WFIKKN2: variants seen among roughly 807,000 people sequenced by gnomAD.
The protein encoded by WFIKKN2 is WAP, Kazal, immunoglobulin, Kunitz and NTR domain-containing protein 2.
A neutral mutation model predicts 39.2 loss-of-function variants in WFIKKN2; 25 were observed. That is an observed-to-expected ratio of 0.64 (90% CI 0.47 to 0.89). WFIKKN2 has a LOEUF of 0.89. Ranked by LOEUF, WFIKKN2 falls within the 40% of genes least tolerant of loss-of-function variation. The pLI is 0.00. For missense variants in WFIKKN2, 770 were observed against 811.7 expected (o/e 0.95, Z 0.62); for synonymous variants, 345 against 329.7 (o/e 1.05, Z -0.50).
chr17:50,837,617 A>G (rs1971976081), intron 1 of WFIKKN2, among the ~76,000 whole-genome samples: 1 of 152,230 alleles, frequency 6.6e-6, no homozygotes, highest in South Asian at 2.1e-4. Context: ...AGGGAACACG[A>G]GAGACACTGG....
At position 50,835,695 on chromosome 17, in the gene WFIKKN2, C is replaced by T. The variant is rs1185841909; in HGVS notation, c.-243C>T. ...CGGGCCCCTGCTGTGGCTCCTCTCCCTGCACACTCAGGAGAGGGAGCTTCC... is the reference window on the plus strand; with the variant it reads ...CGGGCCCCTGCTGTGGCTCCTCTCCTTGCACACTCAGGAGAGGGAGCTTCC... On this transcript the variant is annotated 5_prime_UTR_variant, in exon 1 of 2. Coordinates refer to ENST00000311378, the MANE Select transcript of WFIKKN2 (RefSeq NM_175575.6). The T allele has an allele frequency of 1.8e-6, 1 of 551,284 alleles. No homozygotes were observed. Among genetic ancestry groups the T allele is most frequent in the Non-Finnish European group, 3.2e-6 (1 of 314,702 alleles). 34.1% of individuals were successfully genotyped at this position (551,284 alleles called of 1,614,324 possible). A position where few individuals can be genotyped will look rare whatever the true frequency, so the allele number is the denominator to read the frequency against.
Position 50,840,364 on chromosome 17 carries a change from G to A in WFIKKN2, c.1076G>A (p.Gly359Asp), listed in dbSNP as rs2143299096. ...QANNCLTFTF[G>D]HCHRNLNHFE... ...AACAACTGCCTGACCTTCACCTTCG[G>A]CCACTGCCACCGTAACCTCAACCAC... The change falls in exon 2 of 2, where the codon GGC becomes GAC. Residue 359 changes from glycine to aspartate, a missense_variant. By Grantham distance (94) the Gly-to-Asp change is moderately conservative. Coordinates refer to ENST00000311378, the MANE Select transcript of WFIKKN2 (RefSeq NM_175575.6). 6.8e-6 allele frequency: 11 copies of A among 1,614,132 alleles called. No homozygotes were observed. Among genetic ancestry groups the A allele is most frequent in the Non-Finnish European group, 9.3e-6 (11 of 1,180,028 alleles).
rs1972030104 is a variant in WFIKKN2, at chr17:50,840,565, T to G, written c.1277T>G (p.Phe426Cys). ...YGGCEGNGNNFESREACEESC... is the reference protein window; with the variant it reads ...YGGCEGNGNNCESREACEESC... ...GGCTGCGAGGGCAATGGCAACAACTTTGAGAGCCGTGAGGCCTGTGAGGAG... is the reference window on the plus strand; with the variant it reads ...GGCTGCGAGGGCAATGGCAACAACTGTGAGAGCCGTGAGGCCTGTGAGGAG... The change falls in exon 2 of 2, where the codon TTT becomes TGT. Residue 426 changes from phenylalanine to cysteine, a missense_variant. Phe to Cys is a radical substitution (Grantham distance 205). Transcript: ENST00000311378. 3 of 1,613,842 alleles carry G rather than the reference T, an allele frequency of 1.9e-6. No individual in the cohort carries two copies. The highest frequency in any genetic ancestry group is 2.5e-6 in the Non-Finnish European group (3 of 1,180,002).
intron 1 of WFIKKN2, 94 bp from the exon 2 acceptor site, chr17:50,839,405 T>C (rs1405934377): frequency 8.3e-7 from 1 of 1,203,722 alleles, no homozygotes; most frequent in African/African-American, 1.5e-5. Context: ...GGTGAGTACA[T>C]GTTAGTTCTC....
In WFIKKN2 at chr17:50,836,011, T is replaced by G; in HGVS notation, c.74T>G (p.Leu25Arg). 1 of 1,603,010 alleles carries G rather than the reference T, an allele frequency of 6.2e-7. No homozygotes were observed. Among genetic ancestry groups the G allele is most frequent in the Non-Finnish European group, 8.5e-7 (1 of 1,175,292 alleles). The part of the protein sequence containing the change: ...QVAALLLLLL[L>R]LGVPPRSLAL... ...GCAGCGCTGCTGCTGCTGCTGCTAC[T>G]GCTCGGGGTGCCCCCGCGAAGCCTG... Residue 25 changes from leucine (L) to arginine (R), a missense_variant, in exon 1 of 2, where the codon CTG becomes CGG. Physicochemically the swap from Leu to Arg is moderately radical, Grantham distance 102. Transcript: ENST00000311378.
Position 50,840,873 on chromosome 17 carries a change from A to C in WFIKKN2, c.1585A>C (p.Ile529Leu). The change falls in exon 2 of 2, where the codon ATC becomes CTC. Residue 529 changes from isoleucine (I) to leucine (L), a missense_variant. Physicochemically the swap from Ile to Leu is conservative, Grantham distance 5. Transcript: ENST00000311378. ...NVTVSEMPLIIMGEVDGGMAM... is the reference protein window; with the variant it reads ...NVTVSEMPLILMGEVDGGMAM... Reference sequence around the variant, plus strand: ...GACCGTGAGCGAGATGCCGCTCATCATCATGGGGGAGGTGGACGGCGGCAT... The same window carrying C: ...GACCGTGAGCGAGATGCCGCTCATCCTCATGGGGGAGGTGGACGGCGGCAT... 1.9e-6 allele frequency: 3 copies of C among 1,609,888 alleles called. No homozygotes were observed. Among genetic ancestry groups the C allele is most frequent in the Non-Finnish European group, 2.5e-6 (3 of 1,176,716 alleles).
intron 1 of WFIKKN2, among the ~76,000 whole-genome samples, chr17:50,837,461 G>A (rs888761863): frequency 2.0e-5 from 3 of 152,206 alleles, no homozygotes; most frequent in Non-Finnish European, 4.4e-5. Flanking sequence ...AGTCATTCCC[G>A]AGGGCCATTC....
intron 1 of WFIKKN2, among the ~76,000 whole-genome samples, chr17:50,837,804 C>A (rs1314483357): frequency 1.3e-5 from 2 of 152,194 alleles, no homozygotes; most frequent in Non-Finnish European, 2.9e-5. Context: ...GGTGGCTGCT[C>A]CCATCTGGCC....
At position 50,835,932 on chromosome 17, in the gene WFIKKN2, T is replaced by A. The variant is rs1165721874; in HGVS notation, c.-6T>A. 4 of 1,610,090 alleles carry A rather than the reference T, an allele frequency of 2.5e-6. No homozygotes were observed. The highest frequency in any genetic ancestry group is 3.4e-6 in the Non-Finnish European group (4 of 1,178,426). ...GGGGAGGTCTCTAGCCGCCCCAGCC[T>A]GCACCATGTGGGCCCCAAGGTGTCG... On this transcript the variant is annotated 5_prime_UTR_variant, in exon 1 of 2. Transcript: ENST00000311378.
In WFIKKN2 at chr17:50,839,907, A is replaced by G. The variant is rs1359682137; in HGVS notation, c.619A>G (p.Met207Val). 6.2e-7 allele frequency: 1 copy of G among 1,614,110 alleles called. No individual in the cohort carries two copies. Among genetic ancestry groups the G allele is most frequent in the East Asian group, 2.2e-5 (1 of 44,882 alleles). The stretch of plus-strand genomic sequence containing the variant: ...CTCCCCAGAGACCCCTGAGCTGGAC[A>G]TGGCGGCCCCTGCGCTGCTCAACAA... Reference protein sequence around the residue: ...TASPETPELDMAAPALLNNPV... With the variant: ...TASPETPELDVAAPALLNNPV... The change falls in exon 2 of 2, where the codon ATG (methionine) becomes GTG (valine). Residue 207 changes from methionine to valine, a missense_variant. Physicochemically the swap from Met to Val is conservative, Grantham distance 21. Transcript: ENST00000311378.
At position 50,836,109 on chromosome 17, in the gene WFIKKN2, G is replaced by A. The variant is rs762705683; in HGVS notation, c.172G>A (p.Ala58Thr). 15 of 1,612,944 alleles carry A rather than the reference G, an allele frequency of 9.3e-6. No homozygotes were observed. The highest frequency in any genetic ancestry group is 5.5e-5 in the South Asian group (5 of 90,844). Residue 58 changes from alanine (A) to threonine (T), a missense_variant, in exon 1 of 2, where the codon GCA becomes ACA. Physicochemically the swap from Ala to Thr is moderately conservative, Grantham distance 58. Coordinates refer to ENST00000311378, the MANE Select transcript of WFIKKN2 (RefSeq NM_175575.6). ...NDMNPNLWVDAQSTCRRECET... is the reference protein window; with the variant it reads ...NDMNPNLWVDTQSTCRRECET... The stretch of plus-strand genomic sequence containing the variant: ...CATGAATCCCAACCTCTGGGTGGAC[G>A]CACAGAGCACCTGCAGGCGGGAGTG...
chr17:50,835,685 G>T lies in WFIKKN2; in HGVS notation c.-253G>T. On this transcript the variant is annotated 5_prime_UTR_variant, in exon 1 of 2. Coordinates refer to ENST00000311378, the MANE Select transcript of WFIKKN2 (RefSeq NM_175575.6). ...AATCCGGGCGCGGGCCCCTGCTGTG[G>T]CTCCTCTCCCTGCACACTCAGGAGA... 2 of 510,414 alleles carry T rather than the reference G, an allele frequency of 3.9e-6. No individual in the cohort carries two copies. The highest frequency in any genetic ancestry group is 6.9e-6 in the Non-Finnish European group (2 of 291,912). 31.6% of individuals were successfully genotyped at this position (510,414 alleles called of 1,614,324 possible).
chr17:50,841,117 G>C lies in WFIKKN2; in HGVS notation c.*98G>C, dbSNP rs1597982674. 3.2e-6 allele frequency: 4 copies of C among 1,253,536 alleles called. No individual in the cohort carries two copies. The Admixed American group carries it at 8.6e-5, about 27-fold the overall frequency. The allele number at this position is 1,253,536 out of a possible 1,614,324, so 77.7% of individuals were successfully genotyped here. On this transcript the variant is annotated 3_prime_UTR_variant, in exon 2 of 2. Coordinates refer to ENST00000311378, the MANE Select transcript of WFIKKN2 (RefSeq NM_175575.6). ...GGCGAGGTCAGATTAGACAGGCTTG[G>C]GACAGCAGGGAAACATCAACCGACG...
Position 50,839,471 on chromosome 17 carries a change from T to A in WFIKKN2, c.211-28T>A, listed in dbSNP as rs184571081. ...GCCCCTCCTTTCCTCCTTCTCCCTG[T>A]TCAGGCCACTCTCTCTGGCTCTTTC... is the stretch of plus-strand genomic sequence containing the variant. On this transcript the variant is annotated intron_variant, in intron 1 of 1. Transcript: ENST00000311378. The A allele has an allele frequency of 4.0e-4, 639 of 1,590,594 alleles. 3 individuals carry two copies. In the African/African-American group the frequency reaches 7.8e-3, roughly 19 times the overall value.
intron 1 of WFIKKN2, among the ~76,000 whole-genome samples, chr17:50,838,619 C>T (rs546880915): frequency 5.3e-5 from 8 of 152,328 alleles, no homozygotes; most frequent in Admixed American, 2.6e-4. Flanking sequence ...GGGATTACAG[C>T]CTGGCAAGTC....
chr17:50,835,818 A>G lies in WFIKKN2; in HGVS notation c.-120A>G. 8.9e-7 allele frequency: 1 copy of G among 1,118,394 alleles called. No homozygotes were observed. Among genetic ancestry groups the G allele is most frequent in the Non-Finnish European group, 1.2e-6 (1 of 800,450 alleles). 69.3% of individuals were successfully genotyped at this position (1,118,394 alleles called of 1,614,324 possible). A position where few individuals can be genotyped will look rare whatever the true frequency, so the allele number is the denominator to read the frequency against. ...GCAGAGCAGCCTGAGCAGCAGCCTGAGCAGGAAACCTGCTGGGGTGGGGAG... is the reference window on the plus strand; with the variant it reads ...GCAGAGCAGCCTGAGCAGCAGCCTGGGCAGGAAACCTGCTGGGGTGGGGAG... On this transcript the variant is annotated 5_prime_UTR_variant, in exon 1 of 2. Transcript: ENST00000311378.
At position 50,839,928 on chromosome 17, in the gene WFIKKN2, A is replaced by G; in HGVS notation, c.640A>G (p.Asn214Asp). The change falls in exon 2 of 2, where the codon AAC becomes GAC. Residue 214 changes from asparagine (N) to aspartate (D), a missense_variant. By Grantham distance (23) the Asn-to-Asp change is conservative. Coordinates refer to ENST00000311378, the MANE Select transcript of WFIKKN2 (RefSeq NM_175575.6). ...GGACATGGCGGCCCCTGCGCTGCTC[A>G]ACAACCCTGTGCACCAGTCGGTCAC... The part of the protein sequence containing the change: ...ELDMAAPALL[N>D]NPVHQSVTMG... 6.2e-7 allele frequency: 1 copy of G among 1,614,164 alleles called. No individual in the cohort carries two copies.
At position 50,840,133 on chromosome 17, in the gene WFIKKN2, C is replaced by T; in HGVS notation, c.845C>T (p.Ala282Val). Reference sequence around the variant, plus strand: ...ATCTATAACGCCCAGCTGCAGGATGCTGGGATCTACACCTGCACGGCCCGG... The same window carrying T: ...ATCTATAACGCCCAGCTGCAGGATGTTGGGATCTACACCTGCACGGCCCGG... ...LVIYNAQLQD[A>V]GIYTCTARNV... The change falls in exon 2 of 2, where the codon GCT (alanine) becomes GTT (valine). Residue 282 changes from alanine (A) to valine (V), a missense_variant. Physicochemically the swap from Ala to Val is moderately conservative, Grantham distance 64. Coordinates refer to ENST00000311378, the MANE Select transcript of WFIKKN2 (RefSeq NM_175575.6). The T allele has an allele frequency of 6.2e-7, 1 of 1,612,602 alleles. No individual in the cohort carries two copies. The highest frequency in any genetic ancestry group is 1.3e-5 in the African/African-American group (1 of 74,794).
Position 50,840,659 on chromosome 17 carries a change from C to T in WFIKKN2, c.1371C>T (p.Ser457=), listed in dbSNP as rs1429952989. 3 of 1,613,856 alleles carry T rather than the reference C, an allele frequency of 1.9e-6. No homozygotes were observed. The Admixed American group carries it at 5.0e-5, about 27-fold the overall frequency. ...ACKPRQKLVT[S]FCRSDFVILG... is the part of the protein sequence containing the mutation. ...AGCCTCGGCAGAAGCTCGTTACCAGCTTCTGTCGCAGCGACTTTGTCATCC... is the reference window on the plus strand; with the variant it reads ...AGCCTCGGCAGAAGCTCGTTACCAGTTTCTGTCGCAGCGACTTTGTCATCC... The change falls in exon 2 of 2, where the codon AGC becomes AGT. Residue 457 remains serine (S), a synonymous_variant. Transcript: ENST00000311378.
Sources: gnomAD v4.1 joint callset for allele counts (sites outside exome capture counted in the v4.1 genomes callset) on GRCh38, gnomAD v4.1.1 for gene constraint, MANE v1.5 for transcripts, NCBI Gene and HGNC (gene_info 2026-07-23, HGNC 2026-07-21) for gene names.